Variants in ROBO2 observed in about 807,000 individuals in gnomAD.
ROBO2 encodes the protein roundabout guidance receptor 2.
In ROBO2, 53 loss-of-function variants were observed where a neutral mutation model predicts 160.8. The ratio of observed to expected loss-of-function variants is 0.33; its 90% confidence interval spans 0.26 to 0.41. The LOEUF is 0.41. Among genes scored for constraint, ROBO2 ranks in the 10% least tolerant of loss-of-function variants. The pLI is 1.00. For synonymous variants in ROBO2, 664 were observed against 611.7 expected (o/e 1.09, Z -1.26); for missense variants, 1,577 against 1,722.4 (o/e 0.92, Z 1.49).
intron 2 of ROBO2, among the ~76,000 whole-genome samples, chr3:76,402,117 A>T (rs1369274484): frequency 6.6e-6 from 1 of 151,588 alleles, no homozygotes; most frequent in African/African-American, 2.4e-5. Flanking sequence ...ATATGTGCTG[A>T]GAACAATTTT....
At chr3:77,210,027 C>T (rs62251846) in intron 2 of ROBO2, among the ~76,000 whole-genome samples, 4,260 of 152,226 alleles carry the variant, frequency 0.028, 65 homozygotes, top group Middle Eastern at 0.054. Flanking sequence ...AGAATCTTTA[C>T]ATTATAAATT....
chr3:77,091,578 CA>C (rs1578882855), intron 1 of ROBO2, among the ~76,000 whole-genome samples: 1 of 152,100 alleles, frequency 6.6e-6, no homozygotes, highest in East Asian at 1.9e-4. Context: ...TGGAATGCTA[CA>C]TCTAGCCAGG....
chr3:76,268,336 T>G (rs1045409019), intron 2 of ROBO2, among the ~76,000 whole-genome samples: 28 of 152,268 alleles, frequency 1.8e-4, no homozygotes, highest in African/African-American at 6.0e-4. Context: ...GGAATTTCTT[T>G]CAACAAAGTA....
At chr3:77,208,332 G>A (rs1247549431) in intron 2 of ROBO2, among the ~76,000 whole-genome samples, 1 of 152,072 alleles carries the variant, frequency 6.6e-6, no homozygotes, top group East Asian at 1.9e-4. Flanking sequence ...TCATGTTAGC[G>A]CAATTGATTA....
intron 2 of ROBO2, among the ~76,000 whole-genome samples, chr3:76,070,854 C>T (rs548154574): frequency 2.6e-5 from 4 of 152,176 alleles, no homozygotes; most frequent in African/African-American, 7.2e-5. Context: ...GCAGATTCCC[C>T]AATAAAGAGG....
intron 4 of ROBO2, among the ~76,000 whole-genome samples, chr3:77,487,813 T>C (rs1442394752): frequency 6.6e-6 from 1 of 152,212 alleles, no homozygotes; most frequent in East Asian, 1.9e-4. Context: ...ATTATTGCCA[T>C]AACACTAATT....
At chr3:76,642,924 AAAT>A (rs1297662346) in intron 2 of ROBO2, among the ~76,000 whole-genome samples, 1 of 152,210 alleles carries the variant, frequency 6.6e-6, no homozygotes, top group Non-Finnish European at 1.5e-5. Flanking sequence ...ATAATAAAAT[AAAT>A]AATGACAGAC....
chr3:77,555,598 T>A (rs1283597292), intron 8 of ROBO2, among the ~76,000 whole-genome samples: 1 of 151,892 alleles, frequency 6.6e-6, no homozygotes, highest in African/African-American at 2.4e-5. Context: ...TATCTTTTTC[T>A]CTCAGAGAAT....
At chr3:77,237,514 C>A (rs1356275836) in intron 2 of ROBO2, among the ~76,000 whole-genome samples, 2 of 150,062 alleles carry the variant, frequency 1.3e-5, no homozygotes, top group Non-Finnish European at 3.0e-5. Flanking sequence ...ATCCTCCCAC[C>A]TTGGGCTCCC....
chr3:77,517,889 T>G (rs1170788133), intron 5 of ROBO2, among the ~76,000 whole-genome samples: 1 of 151,420 alleles, frequency 6.6e-6, no homozygotes, highest in Admixed American at 6.6e-5. Flanking sequence ...TCTCGTGTAG[T>G]GTATTTGTAG....
chr3:77,422,244 G>A (rs2077777713), intron 2 of ROBO2, among the ~76,000 whole-genome samples: 1 of 152,168 alleles, frequency 6.6e-6, no homozygotes, highest in African/African-American at 2.4e-5. Context: ...CAGGGGATTA[G>A]CGGTTCCTTT....
intron 2 of ROBO2, among the ~76,000 whole-genome samples, chr3:77,148,053 A>G (rs769259045): frequency 1.3e-5 from 2 of 152,268 alleles, no homozygotes; most frequent in South Asian, 2.1e-4. Flanking sequence ...AGGTCCTTGC[A>G]TGACTAATTT....
chr3:77,406,600 C>T (rs747643663), intron 2 of ROBO2, among the ~76,000 whole-genome samples: 2 of 152,082 alleles, frequency 1.3e-5, no homozygotes, highest in Non-Finnish European at 2.9e-5. Context: ...TAATTGGATG[C>T]TAAGCCTAAT....
At chr3:76,658,841 T>A (rs909958630) in intron 2 of ROBO2, among the ~76,000 whole-genome samples, 4 of 152,204 alleles carry the variant, frequency 2.6e-5, no homozygotes, top group Non-Finnish European at 5.9e-5. Context: ...CATGCTAGGA[T>A]ATATTATACA....
intron 2 of ROBO2, among the ~76,000 whole-genome samples, chr3:76,568,042 C>G (rs2084711128): frequency 6.6e-6 from 1 of 150,660 alleles, no homozygotes. Flanking sequence ...CTCAAACTCC[C>G]GGGCTCAAGC....
intron 2 of ROBO2, among the ~76,000 whole-genome samples, chr3:76,016,842 A>G (rs1359545440): frequency 6.6e-6 from 1 of 152,082 alleles, no homozygotes; most frequent in Non-Finnish European, 1.5e-5. Flanking sequence ...TGATTTTTCT[A>G]TTCCTAAAAA....
chr3:76,834,337 A>G (rs1471927405), intron 2 of ROBO2, among the ~76,000 whole-genome samples: 1 of 151,274 alleles, frequency 6.6e-6, no homozygotes, highest in Non-Finnish European at 1.5e-5. Flanking sequence ...ACAGGGGCAC[A>G]CTACCATGCC....
chr3:76,302,055 T>A (rs559799358), intron 2 of ROBO2, among the ~76,000 whole-genome samples: 71 of 152,194 alleles, frequency 4.7e-4, no homozygotes, highest in African/African-American at 1.6e-3. Flanking sequence ...GTATCCAGAC[T>A]TTTTCATGAG....
rs531615878 is a variant in ROBO2 at position 76,797,514 on chromosome 3, C to T, written c.110-300500C>T. 3.3e-5 allele frequency among the ~76,000 whole-genome samples: 5 copies of T among 151,508 alleles called. No individual in the cohort carries two copies. In the South Asian group the frequency reaches 1.0e-3, roughly 32 times the overall value. ...AACCTTAAAATAAACAACCTAACAT[C>T]ATAAGGAACTAGAAAAGCAAGAACA... On this transcript the variant is annotated intron_variant, in intron 2 of 26. Transcript: ENST00000487694.
Sources: allele counts gnomAD v4.1 joint callset (sites outside exome capture counted in the v4.1 genomes callset), GRCh38; gene constraint gnomAD v4.1.1; transcripts MANE v1.5; gene names NCBI Gene and HGNC (gene_info 2026-07-23, HGNC 2026-07-21).